The following AFF3 variants were observed in gnomAD, a reference collection of about 807,000 sequenced individuals.
AFF3 encodes AF4/FMR2 family member 3.
In AFF3, 32 loss-of-function variants were observed where a neutral mutation model predicts 129.7. The observed-to-expected ratio is 0.25, with a 90% CI of 0.19 to 0.33. The LOEUF is 0.33. Ranked by LOEUF, AFF3 falls within the 10% of genes least tolerant of loss-of-function variation. The pLI, the probability that AFF3 is intolerant of heterozygous loss-of-function variation, is 1.00. For synonymous variants in AFF3, 644 were observed against 635.4 expected (o/e 1.01, Z -0.20); for missense variants, 1,373 against 1,592.0 (o/e 0.86, Z 2.34).
At chr2:100,003,668 C>T (rs935595231) in intron 7 of AFF3, among the ~76,000 whole-genome samples, 1 of 152,112 alleles carries the variant, frequency 6.6e-6, no homozygotes, top group Admixed American at 6.5e-5. Context: ...TTATTGAAGT[C>T]TCAGGAATTA....
At chr2:99,760,215 T>C (rs569605662) in intron 8 of AFF3, among the ~76,000 whole-genome samples, 1 of 152,262 alleles carries the variant, frequency 6.6e-6, no homozygotes, top group Non-Finnish European at 1.5e-5. Flanking sequence ...GGGGAAGAGT[T>C]TTTTAAATAA....
At chr2:100,057,413 C>T (rs935642728) in intron 4 of AFF3, among the ~76,000 whole-genome samples, 8 of 151,994 alleles carry the variant, frequency 5.3e-5, no homozygotes, top group African/African-American at 1.9e-4. Context: ...GATAAGTTAC[C>T]CAATCTCTTT....
intron 7 of AFF3, among the ~76,000 whole-genome samples, chr2:99,901,962 C>G (rs899680728): frequency 1.3e-5 from 2 of 151,710 alleles, no homozygotes; most frequent in African/African-American, 4.8e-5. Context: ...CCTCTTTCCA[C>G]GCTCACCCAC....
At chr2:99,721,308 A>C (rs1186147669) in intron 11 of AFF3, among the ~76,000 whole-genome samples, 2 of 152,150 alleles carry the variant, frequency 1.3e-5, no homozygotes, top group African/African-American at 4.8e-5. Context: ...AGGTGGGCGG[A>C]TCATGAGATC....
chr2:100,139,634 A>T (rs969739784), intron 1 of AFF3, among the ~76,000 whole-genome samples: 3 of 152,178 alleles, frequency 2.0e-5, no homozygotes, highest in African/African-American at 7.2e-5. Flanking sequence ...TTTAATGATG[A>T]GAACAATGGT....
At chr2:99,864,612 C>T (rs975727470) in intron 7 of AFF3, among the ~76,000 whole-genome samples, 2 of 152,292 alleles carry the variant, frequency 1.3e-5, no homozygotes, top group Admixed American at 6.5e-5. Flanking sequence ...CTGAAAGACA[C>T]CCATATTCCA....
intron 4 of AFF3, among the ~76,000 whole-genome samples, chr2:100,051,498 C>T (rs1360499983): frequency 6.6e-6 from 1 of 152,136 alleles, no homozygotes; most frequent in African/African-American, 2.4e-5. Context: ...TAGGATGAGG[C>T]CAAGCTTGTT....
intron 13 of AFF3, among the ~76,000 whole-genome samples, chr2:99,642,334 T>A (rs1370746242): frequency 3.3e-5 from 5 of 152,146 alleles, no homozygotes; most frequent in African/African-American, 9.7e-5. Flanking sequence ...GGACTGAGTT[T>A]TTTTCTCATT....
chr2:99,619,311 A>C (rs1183615834), intron 13 of AFF3, among the ~76,000 whole-genome samples: 3 of 152,256 alleles, frequency 2.0e-5, no homozygotes, highest in Admixed American at 1.3e-4. Flanking sequence ...GATGAGCGAA[A>C]AAGATTTTTA....
intron 16 of AFF3, among the ~76,000 whole-genome samples, chr2:99,584,286 G>A (rs968413546): frequency 3.3e-5 from 5 of 151,296 alleles, no homozygotes; most frequent in Non-Finnish European, 5.9e-5. Flanking sequence ...TGGCCAACAC[G>A]GTGAAACCCC....
chr2:99,628,718 G>T (rs1682835308), intron 13 of AFF3, among the ~76,000 whole-genome samples: 1 of 17,264 alleles, frequency 5.8e-5, no homozygotes, highest in Non-Finnish European at 9.7e-5. Flanking sequence ...CACCATGCTT[G>T]ACTGATTTTT....
intron 4 of AFF3, among the ~76,000 whole-genome samples, chr2:100,060,685 T>TATACCCCTCACCCCCTGG (rs1687198659): frequency 6.6e-6 from 1 of 152,218 alleles, no homozygotes; most frequent in Non-Finnish European, 1.5e-5. Context: ...AGAACCCTTG[T>TATACCCCTCACCCCCTGG]ATACCCCTCA....
At chr2:99,733,031 C>T (rs945707617) in intron 10 of AFF3, among the ~76,000 whole-genome samples, 1 of 151,952 alleles carries the variant, frequency 6.6e-6, no homozygotes, top group African/African-American at 2.4e-5. Flanking sequence ...TTTATTGTCT[C>T]AATAAGAGTC....
At chr2:99,898,508 G>A (rs937603462) in intron 7 of AFF3, among the ~76,000 whole-genome samples, 1 of 152,180 alleles carries the variant, frequency 6.6e-6, no homozygotes, top group African/African-American at 2.4e-5. Flanking sequence ...TCAAGAACAA[G>A]CTCTTCCTCA....
At chr2:99,936,321 C>T (rs1193539762) in intron 7 of AFF3, among the ~76,000 whole-genome samples, 1 of 152,100 alleles carries the variant, frequency 6.6e-6, no homozygotes, top group Non-Finnish European at 1.5e-5. Flanking sequence ...TCTGAAGGAT[C>T]ACTTCCTGAC....
intron 7 of AFF3, among the ~76,000 whole-genome samples, chr2:99,959,441 G>GTCAA (rs1559011594): frequency 6.7e-6 from 1 of 150,176 alleles, no homozygotes; most frequent in Non-Finnish European, 1.5e-5. Flanking sequence ...GTCTAGTTTT[G>GTCAA]GCTGGAAAAT....
At chr2:100,127,309 G>A (rs764764530) in intron 2 of AFF3, among the ~76,000 whole-genome samples, 1 of 152,206 alleles carries the variant, frequency 6.6e-6, no homozygotes, top group African/African-American at 2.4e-5. Context: ...ACTGTCATGT[G>A]CCTCCATTGT....
rs1679841538 is a variant in AFF3, at chr2:99,601,563, T to C, written c.1243A>G (p.Ser415Gly). ...CTGCTGCTGCCGCTGCTGCTGCTGC[T>C]GCTGCTGCCCTTGCTGGAAGGCACC... ...TSVPSSKGSS[S>G]SSSSGSSSSS... Residue 415 changes from serine to glycine, a missense_variant, in exon 14 of 25, where the codon AGC (serine) becomes GGC (glycine). By Grantham distance (56) the Ser-to-Gly change is moderately conservative. Transcript: ENST00000672756. 6.2e-7 allele frequency: 1 copy of C among 1,602,586 alleles called. No individual in the cohort carries two copies. The highest frequency in any genetic ancestry group is 1.7e-5 in the Admixed American group (1 of 58,192).
intron 2 of AFF3, chr2:100,107,540 CT>C: frequency 1.0e-6 from 1 of 981,834 alleles, no homozygotes. Context: ...TTTGCTCATC[CT>C]ATAGTGCTTG....
Sources: allele counts gnomAD v4.1 joint callset (sites outside exome capture counted in the v4.1 genomes callset), GRCh38; gene constraint gnomAD v4.1.1; transcripts MANE v1.5; gene names NCBI Gene and HGNC (gene_info 2026-07-23, HGNC 2026-07-21).